Variants in RAP1A observed in about 807,000 individuals in gnomAD.
The protein encoded by RAP1A is RAP1A, member of RAS oncogene family, also known as ras-related protein Rap-1A.
Under a neutral mutation model 26.4 loss-of-function variants are expected in RAP1A, and 6 were observed. That is an observed-to-expected ratio of 0.23 (90% CI 0.12 to 0.45). RAP1A has a LOEUF of 0.45. RAP1A is among the 20% of genes least tolerant of loss of function. RAP1A has a pLI of 0.99. For synonymous variants in RAP1A, 73 were observed against 79.4 expected (o/e 0.92, Z 0.43); for missense variants, 121 against 217.2 (o/e 0.56, Z 2.78).
chr1:111,556,888 G>T (rs566887650), intron 1 of RAP1A, among the ~76,000 whole-genome samples: 1 of 144,048 alleles, frequency 6.9e-6, no homozygotes, highest in South Asian at 2.2e-4. Context: ...TAGTTAAAAT[G>T]GTACATTTTA....
chr1:111,639,550 A>G (rs1424140932), intron 1 of RAP1A, among the ~76,000 whole-genome samples: 2 of 146,668 alleles, frequency 1.4e-5, no homozygotes, highest in Non-Finnish European at 3.0e-5. Flanking sequence ...ACTATTAGTA[A>G]CTAATACATT....
chr1:111,552,720 T>G (rs1465765167), intron 1 of RAP1A, among the ~76,000 whole-genome samples: 1 of 152,194 alleles, frequency 6.6e-6, no homozygotes, highest in Non-Finnish European at 1.5e-5. Context: ...ATGTTGGTGT[T>G]TGAATACCAG....
chr1:111,567,508 C>G (rs757680057), intron 1 of RAP1A, among the ~76,000 whole-genome samples: 1 of 152,152 alleles, frequency 6.6e-6, no homozygotes, highest in East Asian at 1.9e-4. Flanking sequence ...CTATTGTGGA[C>G]TGAACTGTGT....
intron 1 of RAP1A, among the ~76,000 whole-genome samples, chr1:111,610,398 G>A (rs1021724161): frequency 6.6e-6 from 1 of 152,234 alleles, no homozygotes. Flanking sequence ...CTGCAAATGT[G>A]TTTTCTACTT....
chr1:111,603,734 T>TA (rs1274736621), intron 1 of RAP1A, among the ~76,000 whole-genome samples: 2 of 152,310 alleles, frequency 1.3e-5, no homozygotes, highest in Non-Finnish European at 2.9e-5. Flanking sequence ...GAACATCTTT[T>TA]AGATTATTTT....
At chr1:111,667,025 A>G (rs1660815712) in intron 1 of RAP1A, among the ~76,000 whole-genome samples, 1 of 152,218 alleles carries the variant, frequency 6.6e-6, no homozygotes, top group South Asian at 2.1e-4. Flanking sequence ...AGCAAAAGGA[A>G]ATCATTTAAT....
chr1:111,625,204 CAT>C (rs998650269), intron 1 of RAP1A, among the ~76,000 whole-genome samples: 2 of 152,172 alleles, frequency 1.3e-5, no homozygotes, highest in African/African-American at 4.8e-5. Flanking sequence ...ACGCCTATAA[CAT>C]GTTACTCCTT....
intron 1 of RAP1A, among the ~76,000 whole-genome samples, chr1:111,642,007 G>A (rs977937706): frequency 6.6e-5 from 10 of 152,312 alleles, no homozygotes; most frequent in African/African-American, 2.4e-4. Flanking sequence ...CACTTTGGGA[G>A]GCCAAGGTGG....
chr1:111,709,605 C>T (rs1435764369), intron 7 of RAP1A, among the ~76,000 whole-genome samples: 5 of 152,142 alleles, frequency 3.3e-5, no homozygotes, highest in Non-Finnish European at 7.4e-5. Flanking sequence ...AGTAGTTGCT[C>T]TGAAAAAGTT....
Position 111,620,002 on chromosome 1 carries a change from G to A in RAP1A, c.-28+68G>A, listed in dbSNP as rs1026893343. 1.8e-5 allele frequency: 7 copies of A among 396,608 alleles called. No homozygotes were observed. The East Asian group carries it at 2.1e-4, about 12-fold the overall frequency. The allele number at this position is 396,608 out of a possible 1,614,324, so 24.6% of individuals were successfully genotyped here. On this transcript the variant is annotated intron_variant, in intron 1 of 7. Transcript: ENST00000369709. ...GGGGGGCGCGGGTCGGCCGAGCCGA[G>A]GGTGAGGCGGCTCATGTCGCCGGTC...
chr1:111,558,678 C>T (rs1657612068), intron 1 of RAP1A, among the ~76,000 whole-genome samples: 1 of 152,030 alleles, frequency 6.6e-6, no homozygotes, highest in Non-Finnish European at 1.5e-5. Context: ...ACTACATAAC[C>T]ATCAATGTTT....
chr1:111,712,595 A>G lies in RAP1A; in HGVS notation c.*194A>G, dbSNP rs905622745. 2 of 152,532 alleles carry G rather than the reference A, an allele frequency of 1.3e-5. No homozygotes were observed. The highest frequency in any genetic ancestry group is 2.9e-5 in the Non-Finnish European group (2 of 67,930). The allele number at this position is 152,532 out of a possible 1,614,324, so 9.4% of individuals were successfully genotyped here. ...TGGAGAAAAAAATTGCTCTGTGTAT[A>G]TCTCTTGGAAAATAAGACAATAGTA... On this transcript the variant is annotated 3_prime_UTR_variant, in exon 8 of 8. Transcript: ENST00000369709.
chr1:111,569,391 C>CAAAAA (rs34387699), intron 1 of RAP1A, among the ~76,000 whole-genome samples: 1 of 104,542 alleles, frequency 9.6e-6, no homozygotes, highest in Non-Finnish European at 2.0e-5. Context: ...ACTCCGTCTC[C>CAAAAA]AAAAAAAAAA....
intron 2 of RAP1A, among the ~76,000 whole-genome samples, 164 bp downstream of exon 2, chr1:111,691,581 A>G (rs1661669964): frequency 6.6e-6 from 1 of 152,246 alleles, no homozygotes. Flanking sequence ...ACAGATGTAT[A>G]TAGTTTTATA....
At chr1:111,559,497 C>A (rs1004397002) in intron 1 of RAP1A, among the ~76,000 whole-genome samples, 5 of 152,100 alleles carry the variant, frequency 3.3e-5, no homozygotes, top group African/African-American at 1.2e-4. Context: ...TTTCCAGTAC[C>A]CAGCTGTGTG....
At chr1:111,683,532 C>T (rs903322305) in intron 1 of RAP1A, among the ~76,000 whole-genome samples, 1 of 152,142 alleles carries the variant, frequency 6.6e-6, no homozygotes, top group Non-Finnish European at 1.5e-5. Context: ...AATATAAACA[C>T]CTCTATGCAA....
intron 7 of RAP1A, among the ~76,000 whole-genome samples, chr1:111,710,138 T>A (rs1205477218): frequency 6.6e-6 from 1 of 150,734 alleles, no homozygotes; most frequent in Non-Finnish European, 1.5e-5. Context: ...CCAAAATTGA[T>A]ATTGTCAGTC....
intron 1 of RAP1A, among the ~76,000 whole-genome samples, chr1:111,634,042 A>G (rs1659651439): frequency 6.6e-6 from 1 of 152,176 alleles, no homozygotes; most frequent in Non-Finnish European, 1.5e-5. Context: ...CCTGTAGTCA[A>G]TTTTGATCTT....
chr1:111,703,548 C>T, intron 5 of RAP1A, 72 bp downstream of exon 5: 4 of 1,326,526 alleles, frequency 3.0e-6, no homozygotes, highest in Admixed American at 2.6e-5. Context: ...CCTGTTTTCT[C>T]TATTAGTAGA....
Sources: allele counts gnomAD v4.1 joint callset (sites outside exome capture counted in the v4.1 genomes callset), GRCh38; gene constraint gnomAD v4.1.1; transcripts MANE v1.5; gene names NCBI Gene and HGNC (gene_info 2026-07-23, HGNC 2026-07-21).